NFASC: variants seen among roughly 807,000 people sequenced by gnomAD.
NFASC encodes the protein neurofascin homolog.
Under a neutral mutation model 147.5 loss-of-function variants are expected in NFASC, and 43 were observed. The ratio of observed to expected loss-of-function variants is 0.29; its 90% CI spans 0.23 to 0.38. NFASC has a LOEUF of 0.38. Ranked by LOEUF, NFASC falls within the 10% of genes least tolerant of loss-of-function variation. The pLI is 1.00. For synonymous variants in NFASC, 622 were observed against 665.5 expected (o/e 0.93, Z 1.01); for missense variants, 1,320 against 1,689.0 (o/e 0.78, Z 3.83).
chr1:204,854,385 C>T (rs534778229), intron 1 of NFASC, among the ~76,000 whole-genome samples: 1 of 152,172 alleles, frequency 6.6e-6, no homozygotes, highest in Admixed American at 6.5e-5. Context: ...TGCCTTCCCC[C>T]ACCCTCCTGA....
chr1:205,002,485 C>T (rs749549910), intron 26 of NFASC, 111 bp from the exon 27 acceptor site: 140 of 894,270 alleles, frequency 1.6e-4, no homozygotes, highest in Non-Finnish European at 2.1e-4. Context: ...CCCGCGGTTC[C>T]CTGGTCCCTT....
At chr1:204,989,138 C>A in intron 23 of NFASC, 1 of 350,236 alleles carries the variant, frequency 2.9e-6, no homozygotes, top group Non-Finnish European at 5.4e-6. Context: ...TAATGAACTC[C>A]AAAGAACAGT....
Position 204,896,982 on chromosome 1 carries a change from A to G in NFASC, c.-199-23650A>G, listed in dbSNP as rs2083503459. Among the ~76,000 whole-genome samples, 9 of 152,290 alleles carry G rather than the reference A, an allele frequency of 5.9e-5. No homozygotes were observed. The South Asian group carries it at 1.7e-3, about 28-fold the overall frequency. On this transcript the variant is annotated intron_variant, in intron 1 of 29. Transcript: ENST00000339876. ...GGTAGGTATGCAAAGGGGCCTTTCC[A>G]TTCTCAAAGGTGCTCCTTCTAGCAG...
chr1:204,971,011 A>G (rs2095231040), intron 11 of NFASC, among the ~76,000 whole-genome samples: 1 of 151,836 alleles, frequency 6.6e-6, no homozygotes, highest in Admixed American at 6.6e-5. Context: ...GGGTTTTTTA[A>G]ATCTCTGCTT....
Position 205,017,744 on chromosome 1 carries a change from G to A in NFASC, c.*1205G>A, listed in dbSNP as rs2096373085. The A allele has an allele frequency of 1.3e-5, 2 of 152,876 alleles. No individual in the cohort carries two copies. Among genetic ancestry groups the A allele is most frequent in the Admixed American group, 1.3e-4 (2 of 15,308 alleles). 9.5% of individuals were successfully genotyped at this position (152,876 alleles called of 1,614,324 possible). ...CTTGTTTGACATGGTGTGTGGATGG[G>A]GACTTGCCCCAAGACTGAGCAGGTC... On this transcript the variant is annotated 3_prime_UTR_variant, in exon 30 of 30. Coordinates refer to ENST00000339876, the MANE Select transcript of NFASC (RefSeq NM_001005388.3).
chr1:204,980,659 A>G (rs971642449), intron 20 of NFASC, among the ~76,000 whole-genome samples: 1 of 152,174 alleles, frequency 6.6e-6, no homozygotes, highest in African/African-American at 2.4e-5. Context: ...CAGAGAGGAG[A>G]CAGGAGCAGA....
intron 1 of NFASC, among the ~76,000 whole-genome samples, chr1:204,887,514 A>G (rs2081518749): frequency 6.8e-6 from 1 of 146,438 alleles, no homozygotes; most frequent in Non-Finnish European, 1.5e-5. Context: ...GCATATCTGT[A>G]CCTGGATATG....
In NFASC at chr1:204,877,037, T is replaced by A. The variant is rs6661352; in HGVS notation, c.-199-43595T>A. 1.8e-3 allele frequency among the ~76,000 whole-genome samples: 158 copies of A among 86,302 alleles called. 5 individuals are homozygous for A. The highest frequency in any genetic ancestry group is 0.011 in the Middle Eastern group (2 of 190). 56.6% of individuals were successfully genotyped at this position (86,302 alleles called of 152,430 possible). A position where few individuals can be genotyped will look rare whatever the true frequency, so the allele number is the denominator to read the frequency against. On this transcript the variant is annotated intron_variant, in intron 1 of 29. Transcript: ENST00000339876. ...ATATATATATATATATAATATATAT[T>A]TATATATATATAATATATTTATTTA...
chr1:204,922,647 G>A (rs2090724723), intron 2 of NFASC, among the ~76,000 whole-genome samples: 1 of 152,154 alleles, frequency 6.6e-6, no homozygotes, highest in African/African-American at 2.4e-5. Context: ...AGGCTTGGAT[G>A]CGCTGAATTG....
Position 205,020,715 on chromosome 1 carries a change from G to T in NFASC, c.*4176G>T, listed in dbSNP as rs2096394956. ...ACATAGCACATTTTTGTCTGTCTTT[G>T]TGAGGCTGCTTTGCTAACTCTCTGA... On this transcript the variant is annotated 3_prime_UTR_variant, in exon 30 of 30. Coordinates refer to ENST00000339876, the MANE Select transcript of NFASC (RefSeq NM_001005388.3). 1.3e-5 allele frequency: 2 copies of T among 152,270 alleles called. No individual in the cohort carries two copies. The highest frequency in any genetic ancestry group is 2.1e-4 in the South Asian group (1 of 4,836). 9.4% of individuals were successfully genotyped at this position (152,270 alleles called of 1,614,324 possible).
At chr1:204,984,369 G>GTGTGTA (rs1553306565) in intron 21 of NFASC, 4 of 179,454 alleles carry the variant, frequency 2.2e-5, no homozygotes, top group African/African-American at 1.1e-4. Context: ...GTGTGTGTGT[G>GTGTGTA]TATATATATA....
At chr1:204,891,911 A>G (rs952643623) in intron 1 of NFASC, among the ~76,000 whole-genome samples, 3 of 152,190 alleles carry the variant, frequency 2.0e-5, no homozygotes, top group African/African-American at 7.2e-5. Context: ...AAACTAACCC[A>G]GTCTACGAGG....
At chr1:204,997,522 C>G (rs1407877965) in intron 25 of NFASC, 116 bp downstream of exon 25, 1 of 1,161,586 alleles carries the variant, frequency 8.6e-7, no homozygotes, top group Non-Finnish European at 1.3e-6. Flanking sequence ...TGTTTGCCAC[C>G]ACCTCCCTTT....
intron 1 of NFASC, among the ~76,000 whole-genome samples, chr1:204,832,262 A>T (rs1672433658): frequency 6.6e-6 from 1 of 152,192 alleles, no homozygotes; most frequent in Non-Finnish European, 1.5e-5. Flanking sequence ...CCATCTTCTA[A>T]GCTCTTGTAT....
intron 2 of NFASC, among the ~76,000 whole-genome samples, chr1:204,941,315 C>A (rs909081923): frequency 4.7e-4 from 72 of 152,244 alleles, no homozygotes; most frequent in African/African-American, 1.4e-3. Flanking sequence ...AATTGCTACA[C>A]AGCTAAATGT....
intron 1 of NFASC, among the ~76,000 whole-genome samples, chr1:204,855,617 T>C (rs2076086291): frequency 6.6e-6 from 1 of 152,194 alleles, no homozygotes; most frequent in South Asian, 2.1e-4. Flanking sequence ...TCAAACCCAG[T>C]TGGACCCAAG....
chr1:204,979,627 C>T lies in NFASC; in HGVS notation c.2176+68C>T. On this transcript the variant is annotated intron_variant, in intron 19 of 29. Transcript: ENST00000339876. This position sits in a 1 kb window ranked among gnomAD's most constrained non-coding sequence, Gnocchi z 6.0. Reference sequence around the variant, plus strand: ...ACCCCAAACTCACACTGAGATCCCCCCATTCCCAGCCATGTGAACTTAGGT... The same window carrying T: ...ACCCCAAACTCACACTGAGATCCCCTCATTCCCAGCCATGTGAACTTAGGT... 1.4e-6 allele frequency: 2 copies of T among 1,410,970 alleles called. No homozygotes were observed. Among genetic ancestry groups the T allele is most frequent in the Non-Finnish European group, 2.0e-6 (2 of 997,568 alleles). 87.4% of individuals were successfully genotyped at this position (1,410,970 alleles called of 1,614,324 possible).
chr1:204,977,613 C>T, intron 16 of NFASC, 68 bp from the exon 17 acceptor site: 2 of 1,486,076 alleles, frequency 1.3e-6, no homozygotes, highest in African/African-American at 1.4e-5. Flanking sequence ...CTGCCTACCC[C>T]CATCCTTCTA....
intron 11 of NFASC, 140 bp downstream of exon 11, chr1:204,970,887 C>T: frequency 1.9e-6 from 2 of 1,041,702 alleles, no homozygotes; most frequent in Non-Finnish European, 2.9e-6. Context: ...CTCAGCTGCC[C>T]ATCTCTTCAG....
Sources: allele counts gnomAD v4.1 joint callset (sites outside exome capture counted in the v4.1 genomes callset), GRCh38; gene constraint gnomAD v4.1.1; non-coding constraint Gnocchi (gnomAD v3.1); transcripts MANE v1.5; gene names NCBI Gene and HGNC (gene_info 2026-07-23, HGNC 2026-07-21).